C20orf203: variants seen among roughly 807,000 people sequenced by gnomAD.
C20orf203 encodes the protein chromosome 20 open reading frame 203.
In C20orf203, 16 loss-of-function variants were observed where a neutral mutation model predicts 15.9. That is an observed-to-expected ratio of 1.01 (90% confidence interval 0.68 to 1.53). The LOEUF is 1.53. C20orf203 is among the 40% of genes most tolerant of loss of function. The probability of loss-of-function intolerance (pLI) is 0.00; values close to 1 mark genes in which losing one functional copy is unlikely to be tolerated. For missense variants in C20orf203, 263 were observed against 247.5 expected (o/e 1.06, Z -0.42); for synonymous variants, 98 against 97.2 (o/e 1.01, Z -0.05).
chr20:32,656,630 G>A (rs1982761132), intron 1 of C20orf203: 1 of 152,206 alleles, frequency 6.6e-6, no homozygotes, highest in African/African-American at 2.4e-5. Flanking sequence ...GGGAGGCCAA[G>A]GCAGGTGGAT....
chr20:32,640,236 ATTCTT>A (rs1281158080), intron 5 of C20orf203, among the ~76,000 whole-genome samples: 2 of 152,122 alleles, frequency 1.3e-5, no homozygotes, highest in African/African-American at 4.8e-5. Context: ...GGGCCTTACA[ATTCTT>A]TTCTTTTTTT....
rs1982079650 is a variant in C20orf203, at chr20:32,634,283, G to C, written c.*1300-13C>G. ...GTTATGCTGGAGTCTGGAAAGATAA[G>C]AAAGAATTAGCAAGACAGGCATTGG... On this transcript the variant is annotated splice_polypyrimidine_tract_variant and intron_variant, in intron 5 of 5. Transcript: ENST00000608990. 1 of 398,492 alleles carries C rather than the reference G, an allele frequency of 2.5e-6. No homozygotes were observed. The highest frequency in any genetic ancestry group is 4.4e-6 in the Non-Finnish European group (1 of 226,066). 24.7% of individuals were successfully genotyped at this position (398,492 alleles called of 1,614,324 possible).
intron 1 of C20orf203, among the ~76,000 whole-genome samples, chr20:32,666,664 G>A (rs1983033953): frequency 6.7e-6 from 1 of 149,642 alleles, no homozygotes; most frequent in Non-Finnish European, 1.5e-5. Flanking sequence ...TCAGGAGGCT[G>A]AGGCAGGAGA....
chr20:32,656,677 C>T (rs1255145543), intron 1 of C20orf203: 1 of 151,932 alleles, frequency 6.6e-6, no homozygotes, highest in African/African-American at 2.4e-5. Flanking sequence ...CCCAGGGCAA[C>T]ATGGTGAAAC....
At chr20:32,637,449 A>G (rs1982167818) in intron 5 of C20orf203, among the ~76,000 whole-genome samples, 1 of 152,130 alleles carries the variant, frequency 6.6e-6, no homozygotes. Context: ...AAAGAAACGA[A>G]TGAGTAGACA....
intron 1 of C20orf203, among the ~76,000 whole-genome samples, chr20:32,671,840 CAAAA>C (rs869043468): frequency 1.5e-5 from 1 of 66,300 alleles, no homozygotes; most frequent in African/African-American, 6.6e-5. Flanking sequence ...ACTCTGTCTC[CAAAA>C]AAAAAAAAAA....
chr20:32,641,907 G>A (rs373257339), intron 4 of C20orf203, among the ~76,000 whole-genome samples: 31 of 152,086 alleles, frequency 2.0e-4, no homozygotes, highest in African/African-American at 5.1e-4. Context: ...ACACGATCTC[G>A]GCTCAGTGCA....
At chr20:32,660,116 G>T (rs1390871237) in intron 1 of C20orf203, among the ~76,000 whole-genome samples, 3 of 152,120 alleles carry the variant, frequency 2.0e-5, no homozygotes, top group African/African-American at 7.2e-5. Flanking sequence ...CTACACCTCT[G>T]GGGCACAGTT....
At chr20:32,634,747 C>T (rs891157144) in intron 5 of C20orf203, among the ~76,000 whole-genome samples, 7 of 152,012 alleles carry the variant, frequency 4.6e-5, no homozygotes, top group Non-Finnish European at 5.9e-5. Flanking sequence ...TCTGATGTAA[C>T]TGTAGGTAAA....
chr20:32,671,514 C>CAAAAAAATTTTAAGTAGAAAAAAGAAAGG (rs1983164392), intron 1 of C20orf203, among the ~76,000 whole-genome samples: 1 of 151,786 alleles, frequency 6.6e-6, no homozygotes, highest in Non-Finnish European at 1.5e-5. Context: ...AAAATAAAGA[C>CAAAAAAATTTTAAGTAGAAAAAAGAAAGG]AAAAAAATTT....
chr20:32,640,350 T>C (rs1476328731), intron 5 of C20orf203, among the ~76,000 whole-genome samples: 1 of 152,202 alleles, frequency 6.6e-6, no homozygotes, highest in African/African-American at 2.4e-5. Context: ...AATTCAATGG[T>C]TGCTAGCATA....
intron 1 of C20orf203, among the ~76,000 whole-genome samples, chr20:32,658,272 A>G (rs1398676448): frequency 6.6e-6 from 1 of 152,202 alleles, no homozygotes; most frequent in Admixed American, 6.5e-5. Context: ...CTATATGTGT[A>G]TAACAAAAAT....
In C20orf203 at chr20:32,632,489, G is replaced by A. The variant is rs535727956; in HGVS notation, c.*3081C>T. 7.9e-5 allele frequency: 12 copies of A among 152,158 alleles called. No individual in the cohort carries two copies. The highest frequency in any genetic ancestry group is 1.5e-4 in the Non-Finnish European group (10 of 68,034). The allele number at this position is 152,158 out of a possible 1,614,324, so 9.4% of individuals were successfully genotyped here. A position where few individuals can be genotyped will look rare whatever the true frequency, so the allele number is the denominator to read the frequency against. ...AGTCCCCGCCCGGGAGAACCCATGT[G>A]CGCACTGGAGCACATGCACGTGTGT... On this transcript the variant is annotated 3_prime_UTR_variant, in exon 6 of 6. Coordinates refer to ENST00000608990, the MANE Select transcript of C20orf203 (RefSeq NM_182584.4).
chr20:32,660,936 G>A (rs760030921), intron 1 of C20orf203, among the ~76,000 whole-genome samples: 5 of 152,114 alleles, frequency 3.3e-5, no homozygotes, highest in African/African-American at 1.2e-4. Context: ...CATGAGAACC[G>A]CATGGGGGTA....
chr20:32,638,482 G>A (rs1288865517), intron 5 of C20orf203, among the ~76,000 whole-genome samples: 1 of 152,176 alleles, frequency 6.6e-6, no homozygotes, highest in African/African-American at 2.4e-5. Flanking sequence ...CTTGCCCAGG[G>A]TCACAGAGGT....
Position 32,648,616 on chromosome 20 carries a change from T to G in C20orf203, c.*1177+639A>C, listed in dbSNP as rs1374378215. Among the ~76,000 whole-genome samples the G allele has an allele frequency of 2.8e-5, 4 of 144,538 alleles. No homozygotes were observed. In the East Asian group the frequency reaches 5.9e-4, roughly 21 times the overall value. The allele number at this position is 144,538 out of a possible 152,430, so 94.8% of individuals were successfully genotyped here. A position where few individuals can be genotyped will look rare whatever the true frequency, so the allele number is the denominator to read the frequency against. On this transcript the variant is annotated intron_variant, in intron 4 of 5. Coordinates refer to ENST00000608990, the MANE Select transcript of C20orf203 (RefSeq NM_182584.4). ...CTGCCAAATCTGGCTAATTTTTTTT[T>G]TTTGTGTGTGTGTTTTTAGTAGAGA...
chr20:32,653,690 C>T (rs922929744), intron 1 of C20orf203, among the ~76,000 whole-genome samples: 1 of 152,158 alleles, frequency 6.6e-6, no homozygotes, highest in African/African-American at 2.4e-5. Flanking sequence ...GTTGAATTCA[C>T]GACTTGTATT....
intron 1 of C20orf203, among the ~76,000 whole-genome samples, chr20:32,666,871 ACTC>A (rs1383440747): frequency 2.9e-5 from 4 of 136,336 alleles, no homozygotes; most frequent in South Asian, 4.9e-4. Flanking sequence ...TGTTGCCCGA[ACTC>A]CTGGCCTCAA....
At position 32,633,901 on chromosome 20, in the gene C20orf203, G is replaced by A. The variant is rs1024355958; in HGVS notation, c.*1669C>T. On this transcript the variant is annotated 3_prime_UTR_variant, in exon 6 of 6. Coordinates refer to ENST00000608990, the MANE Select transcript of C20orf203 (RefSeq NM_182584.4). ...GCCCCTGCTCTGAACCTTCCACCCC[G>A]TCCGCCTGGACTGGATGCTTCTCCC... 2.8e-5 allele frequency: 11 copies of A among 397,276 alleles called. No individual in the cohort carries two copies. Among genetic ancestry groups the A allele is most frequent in the African/African-American group, 8.2e-5 (4 of 48,596 alleles). 24.6% of individuals were successfully genotyped at this position (397,276 alleles called of 1,614,324 possible). A position where few individuals can be genotyped will look rare whatever the true frequency, so the allele number is the denominator to read the frequency against.
Sources: allele counts gnomAD v4.1 joint callset (sites outside exome capture counted in the v4.1 genomes callset), GRCh38; gene constraint gnomAD v4.1.1; transcripts MANE v1.5; gene names NCBI Gene and HGNC (gene_info 2026-07-23, HGNC 2026-07-21).